SENP3: variants seen among roughly 807,000 people sequenced by gnomAD.
SENP3 encodes the protein SUMO specific peptidase 3.
Under a neutral mutation model 66.2 loss-of-function variants are expected in SENP3, and 11 were observed. The observed-to-expected ratio is 0.17, with a 90% CI of 0.10 to 0.28. The LOEUF is 0.28. Ranked by LOEUF, SENP3 falls within the 10% of genes least tolerant of loss-of-function variation. The pLI, the probability that SENP3 is intolerant of heterozygous loss-of-function variation, is 1.00. For synonymous variants in SENP3, 292 were observed against 277.6 expected, an observed-to-expected ratio of 1.05 and a Z score of -0.52; for missense variants, 548 against 743.7, an observed-to-expected ratio of 0.74 and a Z score of 3.06.
chr17:7,565,737 C>G lies in SENP3; in HGVS notation c.1236C>G (p.Asp412Glu). 4 of 1,613,986 alleles carry G rather than the reference C, an allele frequency of 2.5e-6. No homozygotes were observed. The highest frequency in any genetic ancestry group is 3.4e-6 in the Non-Finnish European group (4 of 1,179,884). Residue 412 changes from aspartate (D) to glutamate (E), a missense_variant, in exon 6 of 11, where the codon GAC (aspartate) becomes GAG (glutamate). By Grantham distance (45) the Asp-to-Glu change is conservative (BLOSUM62 2). This residue lies in a region of SENP3 where 72 missense variants were observed against 137.9 expected (regional missense o/e 0.52). Coordinates refer to ENST00000321337, the MANE Select transcript of SENP3 (RefSeq NM_015670.6). ...LNDQVMNMYG[D>E]LVMDTVPEKV... ...CCCAGGTGATGAACATGTATGGAGACCTGGTCATGGACACAGTCCCTGAAA... is the reference window on the plus strand; with the variant it reads ...CCCAGGTGATGAACATGTATGGAGAGCTGGTCATGGACACAGTCCCTGAAA...
At chr17:7,567,659 A>G (rs549984480) in intron 7 of SENP3, among the ~76,000 whole-genome samples, 7 of 152,332 alleles carry the variant, frequency 4.6e-5, no homozygotes, top group African/African-American at 1.7e-4. Flanking sequence ...GCAAGTACAC[A>G]AGACCCATAG....
At chr17:7,569,201 C>T (rs1488220828) in intron 7 of SENP3, among the ~76,000 whole-genome samples, 3 of 151,852 alleles carry the variant, frequency 2.0e-5, no homozygotes, top group Admixed American at 2.0e-4. Flanking sequence ...CTGGCTAACA[C>T]AGTGAAACCC....
At position 7,564,645 on chromosome 17, in the gene SENP3, C is replaced by G; in HGVS notation, c.736C>G (p.Pro246Ala). Residue 246 changes from proline (P) to alanine (A), a missense_variant, in exon 3 of 11, where the codon CCC (proline) becomes GCC (alanine). By Grantham distance (27) the Pro-to-Ala change is conservative. Coordinates refer to ENST00000321337, the MANE Select transcript of SENP3 (RefSeq NM_015670.6). ...TATAGGCCTCCTTTCATGTACTCTGCCCAACGGTTTTGGGGGACAATCTGG... is the reference window on the plus strand; with the variant it reads ...TATAGGCCTCCTTTCATGTACTCTGGCCAACGGTTTTGGGGGACAATCTGG... Reference protein sequence around the residue: ...PDSGLLSCTLPNGFGGQSGPE... With the variant: ...PDSGLLSCTLANGFGGQSGPE... The G allele has an allele frequency of 6.2e-7, 1 of 1,614,044 alleles. No individual in the cohort carries two copies. The highest frequency in any genetic ancestry group is 8.5e-7 in the Non-Finnish European group (1 of 1,179,896).
At chr17:7,571,039 C>A in intron 10 of SENP3, 106 bp downstream of exon 10, 1 of 979,620 alleles carries the variant, frequency 1.0e-6, no homozygotes, top group Non-Finnish European at 1.5e-6. Flanking sequence ...AGTTGTGGAG[C>A]AGGAAGTAAT....
At chr17:7,569,475 C>T (rs2071295011) in intron 7 of SENP3, among the ~76,000 whole-genome samples, 1 of 151,770 alleles carries the variant, frequency 6.6e-6, no homozygotes, top group African/African-American at 2.4e-5. Flanking sequence ...GGTTTTTGGC[C>T]TATGTAACGG....
intron 2 of SENP3, among the ~76,000 whole-genome samples, 169 bp downstream of exon 2, chr17:7,563,960 G>A (rs1170537985): frequency 1.3e-5 from 2 of 152,152 alleles, no homozygotes; most frequent in African/African-American, 4.8e-5. Flanking sequence ...CCCACTTTGA[G>A]CAGAAAGTAA....
chr17:7,566,571 C>T (rs1257286828), intron 6 of SENP3, among the ~76,000 whole-genome samples: 1 of 141,198 alleles, frequency 7.1e-6, no homozygotes, highest in African/African-American at 2.6e-5. Flanking sequence ...GAGGCTGAGG[C>T]GGGAGAATCG....
chr17:7,564,857 C>T lies in SENP3; in HGVS notation c.948C>T (p.Cys316=). Residue 316 remains cysteine, a synonymous_variant, in exon 3 of 11, where the codon TGC becomes TGT. Transcript: ENST00000321337. ...CCCTGCGAGAGGAGCATGTGACCTGCGTACAGAGTAAGGAGCCCTTAAGCA... is the reference window on the plus strand; with the variant it reads ...CCCTGCGAGAGGAGCATGTGACCTGTGTACAGAGTAAGGAGCCCTTAAGCA... ...HSPLREEHVT[C]VQSILDEFLQ... is the part of the protein sequence containing the mutation. The T allele has an allele frequency of 3.1e-6, 5 of 1,609,518 alleles. No individual in the cohort carries two copies. The highest frequency in any genetic ancestry group is 4.2e-6 in the Non-Finnish European group (5 of 1,177,146).
At chr17:7,565,328 A>T in intron 4 of SENP3, 112 bp from the exon 5 acceptor site, 1 of 1,332,454 alleles carries the variant, frequency 7.5e-7, no homozygotes, top group Non-Finnish European at 1.0e-6. Flanking sequence ...AGGACCCATC[A>T]TGAGCCAGAA....
rs1454259072 is a variant in SENP3, at chr17:7,562,920, C to T, written c.-11-146C>T. The T allele has an allele frequency of 4.0e-6, 5 of 1,258,020 alleles. No individual in the cohort carries two copies. The highest frequency in any genetic ancestry group is 2.6e-5 in the South Asian group (1 of 38,718). 77.9% of individuals were successfully genotyped at this position (1,258,020 alleles called of 1,614,324 possible). ...AGGGCCCCTTGTGGACCGCGTTAACCGGGAAGATCTTAAGTTAGGAGTTTT... is the reference window on the plus strand; with the variant it reads ...AGGGCCCCTTGTGGACCGCGTTAACTGGGAAGATCTTAAGTTAGGAGTTTT... On this transcript the variant is annotated intron_variant, in intron 1 of 10. Coordinates refer to ENST00000321337, the MANE Select transcript of SENP3 (RefSeq NM_015670.6). This position sits in a 1 kb window ranked among gnomAD's most constrained non-coding sequence, Gnocchi z 5.0.
At position 7,571,686 on chromosome 17, in the gene SENP3, A is replaced by C; in HGVS notation, c.*203A>C. On this transcript the variant is annotated 3_prime_UTR_variant, in exon 11 of 11. Transcript: ENST00000321337. ...TGATGTGCAGGGGGTGGCTACAGAAAAGCCCCTTTCTTCCTCTGTTTGCAG... is the reference window on the plus strand; with the variant it reads ...TGATGTGCAGGGGGTGGCTACAGAACAGCCCCTTTCTTCCTCTGTTTGCAG... 2.1e-6 allele frequency: 1 copy of C among 474,790 alleles called. No homozygotes were observed. The allele number at this position is 474,790 out of a possible 1,614,324, so 29.4% of individuals were successfully genotyped here.
chr17:7,568,796 A>G (rs1311769455), intron 7 of SENP3, among the ~76,000 whole-genome samples: 1 of 152,238 alleles, frequency 6.6e-6, no homozygotes, highest in Non-Finnish European at 1.5e-5. Flanking sequence ...AATTAATCAA[A>G]TTCAAGGAGG....
rs755497618 is a variant in SENP3 at position 7,564,681 on chromosome 17, G to C, written c.772G>C (p.Glu258Gln). 218 of 1,613,942 alleles carry C rather than the reference G, an allele frequency of 1.4e-4. No individual in the cohort carries two copies. Among genetic ancestry groups the C allele is most frequent in the Non-Finnish European group, 1.7e-4 (204 of 1,179,908 alleles). ...GFGGQSGPEG[E>Q]RSLAPPDASI... The stretch of plus-strand genomic sequence containing the variant: ...TGGGGGACAATCTGGGCCAGAAGGG[G>C]AGCGCAGCTTGGCACCCCCTGATGC... Residue 258 changes from glutamate to glutamine, a missense_variant, in exon 3 of 11, where the codon GAG becomes CAG. Coordinates refer to ENST00000321337, the MANE Select transcript of SENP3 (RefSeq NM_015670.6).
Position 7,571,425 on chromosome 17 carries a change from TGCCC to T in SENP3, c.1668_1671del (p.Met556IlefsTer127). 1.2e-6 allele frequency: 2 copies of T among 1,607,450 alleles called. No individual in the cohort carries two copies. The highest frequency in any genetic ancestry group is 3.4e-5 in the Admixed American group (2 of 59,048). The stretch of plus-strand genomic sequence containing the variant: ...CCATTCAGCTTCACCCAGCAGGACA[TGCCC>T]AAACTTCGTCGGCAGATCTACAAGG... On this transcript the variant is annotated frameshift_variant, in exon 11 of 11. Transcript: ENST00000321337. LOFTEE classifies it high-confidence loss of function.
At position 7,562,349 on chromosome 17, in the gene SENP3, G is replaced by T. The variant is rs995214381; in HGVS notation, c.-12+86G>T. ...GCTCCCACCGAACCGGGGCCCAGAG[G>T]CCCGCATAGGGGCTTCTTAAGGCCC... On this transcript the variant is annotated intron_variant, in intron 1 of 10. Coordinates refer to ENST00000321337, the MANE Select transcript of SENP3 (RefSeq NM_015670.6). This position sits in a 1 kb window ranked among gnomAD's most constrained non-coding sequence, Gnocchi z 5.0. The T allele has an allele frequency of 5.0e-6, 2 of 396,046 alleles. No homozygotes were observed. Among genetic ancestry groups the T allele is most frequent in the African/African-American group, 2.1e-5 (1 of 48,558 alleles). The allele number at this position is 396,046 out of a possible 1,614,324, so 24.5% of individuals were successfully genotyped here.
intron 1 of SENP3, 45 bp from the exon 2 acceptor site, chr17:7,563,021 T>TG (rs2071233179): frequency 7.1e-7 from 1 of 1,404,216 alleles, no homozygotes; most frequent in African/African-American, 1.5e-5. Flanking sequence ...GGATCTGCGG[T>TG]GGGGTGATGC....
chr17:7,565,106 G>C, intron 4 of SENP3, 36 bp downstream of exon 4: 2 of 1,438,320 alleles, frequency 1.4e-6, no homozygotes, highest in Non-Finnish European at 9.7e-7. Flanking sequence ...AGAAGGGCTG[G>C]GGCCTTGGGG....
chr17:7,571,561 TCCTCTCTTG>T lies in SENP3; in HGVS notation c.*84_*92del. ...CCTTCCCAAGAAACTCCAGTTCCTT[TCCTCTCTTG>T]CCTCTTCCCACTCACTTCCCTTTGG... On this transcript the variant is annotated 3_prime_UTR_variant, in exon 11 of 11. Coordinates refer to ENST00000321337, the MANE Select transcript of SENP3 (RefSeq NM_015670.6). 1.1e-6 allele frequency: 1 copy of T among 926,844 alleles called. No individual in the cohort carries two copies. Among genetic ancestry groups the T allele is most frequent in the East Asian group, 2.5e-5 (1 of 39,874 alleles). The allele number at this position is 926,844 out of a possible 1,614,324, so 57.4% of individuals were successfully genotyped here.
rs757158968 is a variant in SENP3 at position 7,563,441 on chromosome 17, G to T, written c.365G>T (p.Cys122Phe). The change falls in exon 2 of 11, where the codon TGC (cysteine) becomes TTC (phenylalanine). Residue 122 changes from cysteine to phenylalanine, a missense_variant. Cys to Phe is a radical substitution (Grantham distance 205). Coordinates refer to ENST00000321337, the MANE Select transcript of SENP3 (RefSeq NM_015670.6). ...RPSRPTHRKT[C>F]SQRRRRAMRA... Reference sequence around the variant, plus strand: ...TCCCGCCCCACTCATCGAAAAACCTGCTCACAGCGCCGCCGCCGAGCCATG... The same window carrying T: ...TCCCGCCCCACTCATCGAAAAACCTTCTCACAGCGCCGCCGCCGAGCCATG... The T allele has an allele frequency of 2.6e-6, 3 of 1,147,188 alleles. No homozygotes were observed. Among genetic ancestry groups the T allele is most frequent in the Non-Finnish European group, 3.5e-6 (3 of 851,970 alleles). The allele number at this position is 1,147,188 out of a possible 1,614,324, so 71.1% of individuals were successfully genotyped here.
Sources: gnomAD v4.1 joint callset for allele counts (sites outside exome capture counted in the v4.1 genomes callset) on GRCh38, gnomAD v4.1.1 for gene constraint, gnomAD v4.1.1 regional missense constraint, Gnocchi (gnomAD v3.1) non-coding constraint, MANE v1.5 for transcripts, NCBI Gene and HGNC (gene_info 2026-07-23, HGNC 2026-07-21) for gene names.